The following WARS2 variants were observed in gnomAD, a reference collection of about 807,000 sequenced individuals.
WARS2 encodes tryptophanyl tRNA synthetase 2, mitochondrial.
WARS2 carries 28 observed loss-of-function variants against 36.5 expected under a neutral mutation model. The ratio of observed to expected loss-of-function variants is 0.77; its 90% CI spans 0.57 to 1.05. The LOEUF is 1.05. WARS2 is among the 50% of genes least tolerant of loss of function. The probability of loss-of-function intolerance (pLI) is 0.00; values close to 1 mark genes in which losing one functional copy is unlikely to be tolerated. For synonymous variants in WARS2, 174 were observed against 178.4 expected (o/e 0.98, Z 0.20); for missense variants, 435 against 456.8 (o/e 0.95, Z 0.44).
rs1253037877 is a variant in WARS2, at chr1:119,131,466, T to TG, written c.90+9088_90+9089insC. On this transcript the variant is annotated intron_variant, in intron 1 of 5. Coordinates refer to ENST00000235521, the MANE Select transcript of WARS2 (RefSeq NM_015836.4). ...ACTGTGCAAAGTTTTTTGTTTTTTG[T>TG]TTTTTTTTTTTTTGAGACGTAGTCT... Among the ~76,000 whole-genome samples, 744 of 133,420 alleles carry TG rather than the reference T, an allele frequency of 5.6e-3. 12 individuals carry two copies. The highest frequency in any genetic ancestry group is 0.014 in the Middle Eastern group (4 of 276). 87.5% of individuals were successfully genotyped at this position (133,420 alleles called of 152,430 possible). A position where few individuals can be genotyped will look rare whatever the true frequency, so the allele number is the denominator to read the frequency against.
chr1:119,137,305 G>A (rs1205845738), intron 1 of WARS2, among the ~76,000 whole-genome samples: 2 of 152,058 alleles, frequency 1.3e-5, no homozygotes, highest in Non-Finnish European at 2.9e-5. Context: ...TAAATCTTGT[G>A]AGAATTAAAT....
chr1:119,080,994 A>G (rs1652149235), intron 1 of WARS2, among the ~76,000 whole-genome samples: 1 of 152,190 alleles, frequency 6.6e-6, no homozygotes, highest in African/African-American at 2.4e-5. Context: ...TTTCAGGCAT[A>G]TTTCCCTGGT....
chr1:119,126,724 T>C (rs1004220915), intron 1 of WARS2: 16 of 732,412 alleles, frequency 2.2e-5, no homozygotes, highest in African/African-American at 1.0e-4. Flanking sequence ...AGAGGATAAA[T>C]AGATTGGCAA....
chr1:119,122,412 T>G (rs181585585), intron 1 of WARS2, among the ~76,000 whole-genome samples: 5 of 152,246 alleles, frequency 3.3e-5, no homozygotes, highest in African/African-American at 1.2e-4. Context: ...GGCATGGATG[T>G]GGTGAGAAGG....
intron 1 of WARS2, among the ~76,000 whole-genome samples, chr1:119,083,992 A>T (rs1383015548): frequency 6.6e-6 from 1 of 151,924 alleles, no homozygotes; most frequent in African/African-American, 2.4e-5. Context: ...ATGATATAAA[A>T]TGTTTTAAAA....
rs867667457 is a variant in WARS2 at position 119,032,737 on chromosome 1, G to A, written c.*174C>T. On this transcript the variant is annotated 3_prime_UTR_variant, in exon 6 of 6. Transcript: ENST00000235521. Reference sequence around the variant, plus strand: ...TCACAGCATTTTGTTGATGGGATTTGGAACACTGTCGTATTTCAAAGCTAC... The same window carrying A: ...TCACAGCATTTTGTTGATGGGATTTAGAACACTGTCGTATTTCAAAGCTAC... 1 of 643,874 alleles carries A rather than the reference G, an allele frequency of 1.6e-6. No individual in the cohort carries two copies. The highest frequency in any genetic ancestry group is 2.8e-5 in the East Asian group (1 of 35,584). 39.9% of individuals were successfully genotyped at this position (643,874 alleles called of 1,614,324 possible).
rs57228009 is a variant in WARS2 at position 119,071,106 on chromosome 1, C to T, written c.348+5244G>A. Among the ~76,000 whole-genome samples, 578 of 152,174 alleles carry T rather than the reference C, an allele frequency of 3.8e-3. 4 individuals carry two copies. The highest frequency in any genetic ancestry group is 0.013 in the African/African-American group (529 of 41,496). The stretch of plus-strand genomic sequence containing the variant: ...GCTGAGGCAGGAGAATTGTTTGAAC[C>T]CGGGAGGCAGAGGTTGCAGTGAACC... On this transcript the variant is annotated intron_variant, in intron 2 of 5. Coordinates refer to ENST00000235521, the MANE Select transcript of WARS2 (RefSeq NM_015836.4).
chr1:119,059,599 A>G (rs1427716062), intron 2 of WARS2, among the ~76,000 whole-genome samples: 1 of 152,242 alleles, frequency 6.6e-6, no homozygotes, highest in East Asian at 1.9e-4. Context: ...TTCAAAAGGC[A>G]GTATAAGTCC....
chr1:119,040,075 A>G (rs1042222777), intron 4 of WARS2, among the ~76,000 whole-genome samples: 12 of 152,206 alleles, frequency 7.9e-5, no homozygotes, highest in African/African-American at 2.9e-4. Context: ...TAAAAATCAA[A>G]CCTGAGTTTA....
In WARS2 at chr1:119,076,557, G is replaced by A. The variant is rs2101319588; in HGVS notation, c.141C>T (p.Leu47=). The A allele has an allele frequency of 2.5e-6, 4 of 1,614,152 alleles. No individual in the cohort carries two copies. The highest frequency in any genetic ancestry group is 3.4e-6 in the Non-Finnish European group (4 of 1,180,032). ...VFSGIQPTGI[L]HLGNYLGAIE... ...TGGCTCCCAGGTAATTGCCCAGGTG[G>A]AGGATTCCTGTAGGTTGAATGCCGG... Residue 47 remains leucine (L), a synonymous_variant, in exon 2 of 6, where the codon CTC becomes CTT. Coordinates refer to ENST00000235521, the MANE Select transcript of WARS2 (RefSeq NM_015836.4).
intron 2 of WARS2, among the ~76,000 whole-genome samples, chr1:119,073,762 T>C (rs1386637799): frequency 1.3e-5 from 2 of 152,210 alleles, no homozygotes; most frequent in East Asian, 1.9e-4. Context: ...AATTGCTATT[T>C]TGAACAACAA....
intron 2 of WARS2, among the ~76,000 whole-genome samples, chr1:119,046,563 G>A (rs1235110822): frequency 7.0e-6 from 1 of 143,520 alleles, no homozygotes; most frequent in Non-Finnish European, 1.5e-5. Context: ...TCACCATCTT[G>A]ACCAGACTTG....
At chr1:119,034,586 C>A (rs1369410558) in intron 4 of WARS2, among the ~76,000 whole-genome samples, 1 of 152,188 alleles carries the variant, frequency 6.6e-6, no homozygotes, top group Non-Finnish European at 1.5e-5. Flanking sequence ...TGACCAGATG[C>A]TCTTTACCTC....
At chr1:119,065,110 T>C (rs1373685191) in intron 2 of WARS2, among the ~76,000 whole-genome samples, 1 of 152,152 alleles carries the variant, frequency 6.6e-6, no homozygotes, top group Non-Finnish European at 1.5e-5. Context: ...CTTGGAAATC[T>C]AAACACATAC....
intron 2 of WARS2, among the ~76,000 whole-genome samples, chr1:119,048,062 T>C (rs917218685): frequency 6.6e-6 from 1 of 152,220 alleles, no homozygotes; most frequent in Non-Finnish European, 1.5e-5. Flanking sequence ...GTAAAAAGAA[T>C]GGGACCATTA....
chr1:119,065,061 A>C (rs1650715345), intron 2 of WARS2, among the ~76,000 whole-genome samples: 1 of 152,180 alleles, frequency 6.6e-6, no homozygotes, highest in African/African-American at 2.4e-5. Context: ...ATTAGAAATC[A>C]ATTTTTTAAA....
chr1:119,053,710 C>A (rs1036062778), intron 2 of WARS2, among the ~76,000 whole-genome samples: 6 of 152,230 alleles, frequency 3.9e-5, no homozygotes, highest in Admixed American at 2.0e-4. Flanking sequence ...AAAATATTTG[C>A]AAATCATATG....
intron 1 of WARS2, among the ~76,000 whole-genome samples, chr1:119,115,176 C>G (rs2101516491): frequency 6.6e-6 from 1 of 152,198 alleles, no homozygotes; most frequent in Non-Finnish European, 1.5e-5. Context: ...ATGAAACAAT[C>G]TATGAATTAG....
chr1:119,086,942 T>C (rs1238684281), intron 1 of WARS2, among the ~76,000 whole-genome samples: 1 of 152,056 alleles, frequency 6.6e-6, no homozygotes, highest in African/African-American at 2.4e-5. Context: ...TTCACCTCTT[T>C]TCTGCGTGGG....
Sources: gnomAD v4.1 joint callset for allele counts (sites outside exome capture counted in the v4.1 genomes callset) on GRCh38, gnomAD v4.1.1 for gene constraint, MANE v1.5 for transcripts, NCBI Gene and HGNC (gene_info 2026-07-23, HGNC 2026-07-21) for gene names.